The following RIMS2 variants were observed in gnomAD, a reference collection of about 807,000 sequenced individuals.
RIMS2 encodes regulating synaptic membrane exocytosis 2.
In RIMS2, 59 loss-of-function variants were observed where a neutral mutation model predicts 174.4. The ratio of observed to expected loss-of-function variants is 0.34; its 90% confidence interval spans 0.27 to 0.42. The LOEUF is 0.42. Ranked by LOEUF, RIMS2 falls within the 10% of genes least tolerant of loss-of-function variation. The pLI is 1.00. For missense variants in RIMS2, 1,620 were observed against 1,666.3 expected (o/e 0.97, Z 0.48); for synonymous variants, 606 against 572.5 (o/e 1.06, Z -0.84).
At chr8:103,598,313 C>T (rs1454174717) in intron 1 of RIMS2, among the ~76,000 whole-genome samples, 1 of 152,124 alleles carries the variant, frequency 6.6e-6, no homozygotes, top group African/African-American at 2.4e-5. Context: ...CCTGATCATA[C>T]GGACATTTGA....
intron 3 of RIMS2, among the ~76,000 whole-genome samples, chr8:103,777,308 G>A (rs1031048714): frequency 1.5e-4 from 23 of 151,932 alleles, no homozygotes; most frequent in East Asian, 7.7e-4. Context: ...ACAGAGTTAC[G>A]GACTCAAATG....
At chr8:103,882,585 T>C (rs930367635) in intron 3 of RIMS2, among the ~76,000 whole-genome samples, 4 of 151,560 alleles carry the variant, frequency 2.6e-5, no homozygotes, top group Admixed American at 2.0e-4. Context: ...GTTCCATTTT[T>C]ATAGTGGTTA....
At chr8:104,180,294 G>A (rs1224011943) in intron 19 of RIMS2, among the ~76,000 whole-genome samples, 1 of 151,008 alleles carries the variant, frequency 6.6e-6, no homozygotes, top group East Asian at 1.9e-4. Flanking sequence ...CATCCTCTCA[G>A]AGAGAATATG....
chr8:103,821,236 C>T (rs2098749854), intron 3 of RIMS2, among the ~76,000 whole-genome samples: 1 of 151,646 alleles, frequency 6.6e-6, no homozygotes, highest in Admixed American at 6.6e-5. Context: ...TTATTGTTGG[C>T]ATGCCTATAA....
intron 19 of RIMS2, among the ~76,000 whole-genome samples, chr8:104,239,682 A>G (rs1470156716): frequency 6.6e-6 from 1 of 152,178 alleles, no homozygotes; most frequent in East Asian, 1.9e-4. Flanking sequence ...TCCTCATGTA[A>G]AAAACTTATC....
chr8:103,585,196 C>G (rs1270179444), intron 1 of RIMS2, among the ~76,000 whole-genome samples: 2 of 152,174 alleles, frequency 1.3e-5, no homozygotes, highest in African/African-American at 4.8e-5. Context: ...GAGATATCAT[C>G]TCATGCCAGT....
intron 1 of RIMS2, among the ~76,000 whole-genome samples, chr8:103,629,999 A>T (rs570139416): frequency 5.0e-4 from 76 of 152,146 alleles, no homozygotes; most frequent in African/African-American, 1.8e-3. Context: ...TAAAAAAAAA[A>T]TTTTAAGAAA....
At chr8:103,718,806 T>G (rs2097406550) in intron 2 of RIMS2, among the ~76,000 whole-genome samples, 1 of 152,082 alleles carries the variant, frequency 6.6e-6, no homozygotes, top group Non-Finnish European at 1.5e-5. Flanking sequence ...TGGCTGGGAT[T>G]ACAGGCGCCT....
chr8:104,193,143 A>T (rs2136469128), intron 19 of RIMS2, among the ~76,000 whole-genome samples: 1 of 151,712 alleles, frequency 6.6e-6, no homozygotes, highest in Non-Finnish European at 1.5e-5. Context: ...TACATGTTTA[A>T]TGTGTACCTT....
chr8:103,796,422 C>A (rs2098550267), intron 3 of RIMS2, among the ~76,000 whole-genome samples: 2 of 152,054 alleles, frequency 1.3e-5, no homozygotes, highest in Non-Finnish European at 2.9e-5. Flanking sequence ...TTTTAACATA[C>A]CAAAATTAGA....
At chr8:103,594,410 CTTG>C (rs1275213653) in intron 1 of RIMS2, among the ~76,000 whole-genome samples, 2 of 151,418 alleles carry the variant, frequency 1.3e-5, no homozygotes, top group African/African-American at 4.8e-5. Flanking sequence ...CTATGAGTTC[CTTG>C]TTAATCAATC....
chr8:104,036,644 C>T (rs1467398365), intron 19 of RIMS2, among the ~76,000 whole-genome samples: 9 of 151,752 alleles, frequency 5.9e-5, no homozygotes, highest in East Asian at 4.0e-4. Context: ...TTTAGGAGGC[C>T]GAGGTGGGCA....
chr8:103,619,319 GA>G (rs2095580444), intron 1 of RIMS2, among the ~76,000 whole-genome samples: 1 of 150,792 alleles, frequency 6.6e-6, no homozygotes. Context: ...AATTCTAGAT[GA>G]TATCAACATT....
At chr8:104,167,597 G>A (rs570030248) in intron 19 of RIMS2, among the ~76,000 whole-genome samples, 3 of 152,102 alleles carry the variant, frequency 2.0e-5, no homozygotes, top group South Asian at 2.1e-4. Context: ...TGCAAAATTC[G>A]CGAATATTTT....
chr8:103,882,077 C>T (rs1266270487), intron 3 of RIMS2, among the ~76,000 whole-genome samples: 3 of 151,342 alleles, frequency 2.0e-5, no homozygotes, highest in Non-Finnish European at 4.4e-5. Flanking sequence ...CGTTCCTTTT[C>T]CTTTGTATTA....
Position 103,916,505 on chromosome 8 carries a change from ACAAGTAGAACTTGTAGTTT to A in RIMS2, c.2009_2027del (p.Val670GlyfsTer40). ...TCATTCTAGAATCCAAACCTGAACC[ACAAGTAGAACTTGTAGTTT>A]CAAGGCCTATTGGGTAAGTTGGTTT... On this transcript the variant is annotated frameshift_variant, in exon 8 of 24. Coordinates refer to ENST00000504942, the Ensembl canonical transcript of RIMS2. LOFTEE classifies it high-confidence loss of function. The A allele has an allele frequency of 6.2e-7, 1 of 1,611,318 alleles. No individual in the cohort carries two copies.
intron 1 of RIMS2, among the ~76,000 whole-genome samples, chr8:103,551,810 GACAA>G (rs1166355165): frequency 6.6e-6 from 1 of 152,036 alleles, no homozygotes. Flanking sequence ...ACCAATAACA[GACAA>G]ACAGAGAGCC....
intron 4 of RIMS2, among the ~76,000 whole-genome samples, chr8:103,890,564 T>G (rs2099237864): frequency 6.6e-6 from 1 of 152,076 alleles, no homozygotes; most frequent in Non-Finnish European, 1.5e-5. Context: ...CTGTATGTCT[T>G]GTAACACTTT....
intron 19 of RIMS2, among the ~76,000 whole-genome samples, chr8:104,193,262 T>C (rs943683225): frequency 6.6e-6 from 1 of 152,184 alleles, no homozygotes; most frequent in African/African-American, 2.4e-5. Context: ...GATTGAGTAC[T>C]GTGGTTTTCA....
Sources: gnomAD v4.1 joint callset for allele counts (sites outside exome capture counted in the v4.1 genomes callset) on GRCh38, gnomAD v4.1.1 for gene constraint, MANE v1.5 for transcripts, NCBI Gene and HGNC (gene_info 2026-07-23, HGNC 2026-07-21) for gene names.